IGSF21: variants seen among roughly 807,000 people sequenced by gnomAD.
The protein encoded by IGSF21 is immunoglobulin superfamily member 21.
IGSF21 carries 28 observed loss-of-function variants against 46.8 expected under a neutral mutation model. That is an observed-to-expected ratio of 0.60 (90% CI 0.44 to 0.82). The LOEUF is 0.82. IGSF21 is among the 40% of genes least tolerant of loss of function. IGSF21 has a pLI of 0.00. For missense variants in IGSF21, 624 were observed against 665.5 expected, an observed-to-expected ratio of 0.94 and a Z score of 0.69; for synonymous variants, 284 against 273.6, an observed-to-expected ratio of 1.04 and a Z score of -0.38.
chr1:18,180,887 C>A (rs368579816), intron 1 of IGSF21, among the ~76,000 whole-genome samples: 69 of 152,232 alleles, frequency 4.5e-4, no homozygotes, highest in African/African-American at 1.6e-3. Context: ...TGGTAAGAGG[C>A]GGATCAGGGA....
At chr1:18,223,014 C>A (rs1208543879) in intron 1 of IGSF21, among the ~76,000 whole-genome samples, 1 of 152,162 alleles carries the variant, frequency 6.6e-6, no homozygotes, top group Non-Finnish European at 1.5e-5. Flanking sequence ...CCCTCCTCAC[C>A]CCAGCCAGAG....
intron 3 of IGSF21, among the ~76,000 whole-genome samples, chr1:18,293,834 C>T (rs1469006897): frequency 6.6e-6 from 1 of 152,174 alleles, no homozygotes; most frequent in African/African-American, 2.4e-5. Flanking sequence ...AGCAAGGCCT[C>T]TAGGACTCCT....
At chr1:18,156,889 C>A (rs75269039) in intron 1 of IGSF21, among the ~76,000 whole-genome samples, 1 of 152,138 alleles carries the variant, frequency 6.6e-6, no homozygotes, top group Admixed American at 6.5e-5. Flanking sequence ...CTTTGAGGGG[C>A]GGAGGTAGGT....
In IGSF21 at chr1:18,273,039, C is replaced by CTTTTTTTTTTTTTTT. The variant is rs760448516; in HGVS notation, c.184-18816_184-18802dup. 1.6e-3 allele frequency among the ~76,000 whole-genome samples: 130 copies of CTTTTTTTTTTTTTTT among 80,712 alleles called. 12 individuals carry two copies. The highest frequency in any genetic ancestry group is 2.7e-3 in the Non-Finnish European group (113 of 41,410). The allele number at this position is 80,712 out of a possible 152,430, so 53.0% of individuals were successfully genotyped here. A position where few individuals can be genotyped will look rare whatever the true frequency, so the allele number is the denominator to read the frequency against. On this transcript the variant is annotated intron_variant, in intron 2 of 9. Transcript: ENST00000251296. The stretch of plus-strand genomic sequence containing the variant: ...CTTCTCCACTAGCAGCCAGACGGAT[C>CTTTTTTTTTTTTTTT]TTTTTTTTTTTTTTTTTTTTTTTTT...
intron 1 of IGSF21, among the ~76,000 whole-genome samples, chr1:18,121,195 T>C (rs2086231106): frequency 6.6e-6 from 1 of 152,162 alleles, no homozygotes; most frequent in Non-Finnish European, 1.5e-5. Context: ...GAAGGGAAGA[T>C]ACTCTTGAGT....
Position 18,365,802 on chromosome 1 carries a change from G to C in IGSF21, c.1015+105G>C. On this transcript the variant is annotated intron_variant, in intron 6 of 9. Coordinates refer to ENST00000251296, the MANE Select transcript of IGSF21 (RefSeq NM_032880.5). The surrounding 1 kb of genome is among the most constrained non-coding windows in gnomAD (Gnocchi z 4.8). ...TGAGGACAGCCATGGAAAGGGGGAGGAGATGGAGCAAACTGGAGTCAGGAT... is the reference window on the plus strand; with the variant it reads ...TGAGGACAGCCATGGAAAGGGGGAGCAGATGGAGCAAACTGGAGTCAGGAT... 1 of 937,546 alleles carries C rather than the reference G, an allele frequency of 1.1e-6. No individual in the cohort carries two copies. Among genetic ancestry groups the C allele is most frequent in the Non-Finnish European group, 1.6e-6 (1 of 629,248 alleles). 58.1% of individuals were successfully genotyped at this position (937,546 alleles called of 1,614,324 possible). A position where few individuals can be genotyped will look rare whatever the true frequency, so the allele number is the denominator to read the frequency against.
chr1:18,115,903 A>G (rs1341746283), intron 1 of IGSF21: 2 of 100,572 alleles, frequency 2.0e-5, no homozygotes, highest in African/African-American at 3.8e-5. Flanking sequence ...GAAAGAAAGA[A>G]GGAGAGGGAG....
chr1:18,164,422 C>CT (rs1395207272), intron 1 of IGSF21, among the ~76,000 whole-genome samples: 2 of 151,418 alleles, frequency 1.3e-5, no homozygotes, highest in African/African-American at 4.9e-5. Context: ...TCCATCTTTC[C>CT]TTTTTATCCT....
intron 4 of IGSF21, among the ~76,000 whole-genome samples, chr1:18,344,545 A>G (rs2085873904): frequency 6.6e-6 from 1 of 151,908 alleles, no homozygotes; most frequent in Non-Finnish European, 1.5e-5. Context: ...TCTGGGGGAC[A>G]GCAATGGGAA....
In IGSF21 at chr1:18,365,435, C is replaced by T; in HGVS notation, c.753C>T (p.Thr251=). Residue 251 remains threonine, a synonymous_variant, in exon 6 of 10, where the codon ACC becomes ACT. Coordinates refer to ENST00000251296, the MANE Select transcript of IGSF21 (RefSeq NM_032880.5). The surrounding 1 kb of genome is among the most constrained non-coding windows in gnomAD (Gnocchi z 4.8). ...PYTERPSRGL[T]PDPNILLQPT... is the part of the protein sequence containing the mutation. ...CGGAGCGCCCCTCCCGTGGCCTGAC[C>T]CCAGATCCCAACATCCTCCTCCAGC... 1 of 1,614,038 alleles carries T rather than the reference C, an allele frequency of 6.2e-7. No homozygotes were observed. Among genetic ancestry groups the T allele is most frequent in the Non-Finnish European group, 8.5e-7 (1 of 1,180,004 alleles).
chr1:18,273,214 T>C (rs2085060450), intron 2 of IGSF21, among the ~76,000 whole-genome samples: 1 of 151,732 alleles, frequency 6.6e-6, no homozygotes, highest in African/African-American at 2.4e-5. Flanking sequence ...CTAATTTTTG[T>C]ATTTTTAGTA....
At chr1:18,175,671 T>G (rs1364540585) in intron 1 of IGSF21, among the ~76,000 whole-genome samples, 2 of 152,142 alleles carry the variant, frequency 1.3e-5, no homozygotes, top group Non-Finnish European at 2.9e-5. Flanking sequence ...GAGGCTGTTC[T>G]GAACCTTCCT....
intron 2 of IGSF21, among the ~76,000 whole-genome samples, chr1:18,261,833 T>G (rs1260461928): frequency 6.6e-6 from 1 of 152,208 alleles, no homozygotes; most frequent in Non-Finnish European, 1.5e-5. Context: ...GACAAGGATT[T>G]GAGTACAAAT....
At chr1:18,209,621 AT>A (rs35745482) in intron 1 of IGSF21, among the ~76,000 whole-genome samples, 59,396 of 133,184 alleles carry the variant, frequency 0.45, 13,318 homozygotes, top group Non-Finnish European at 0.52. Flanking sequence ...CACCTGGCTA[AT>A]TTTTTTTTTT....
chr1:18,359,383 AAAGGAAGG>A (rs1202935647), intron 4 of IGSF21, among the ~76,000 whole-genome samples: 1,842 of 60,790 alleles, frequency 0.03, 111 homozygotes, highest in South Asian at 0.043. Context: ...AGAAAGAAAG[AAAGGAAGG>A]AAGGAAGGAA....
intron 1 of IGSF21, among the ~76,000 whole-genome samples, chr1:18,214,258 G>A (rs549631234): frequency 1.3e-5 from 2 of 152,126 alleles, no homozygotes; most frequent in Non-Finnish European, 1.5e-5. Context: ...CCGGGAGGTC[G>A]GGGCAGGGGA....
At chr1:18,215,057 C>G (rs893572534) in intron 1 of IGSF21, among the ~76,000 whole-genome samples, 3 of 152,166 alleles carry the variant, frequency 2.0e-5, no homozygotes, top group African/African-American at 7.2e-5. Context: ...CACTTTTAAA[C>G]CATCAGATCT....
chr1:18,117,464 AT>A (rs2086198072), intron 1 of IGSF21, among the ~76,000 whole-genome samples: 1 of 152,150 alleles, frequency 6.6e-6, no homozygotes, highest in Non-Finnish European at 1.5e-5. Flanking sequence ...CACTTGTCCA[AT>A]TTGTGGACTC....
At chr1:18,293,183 T>C (rs1276149525) in intron 3 of IGSF21, among the ~76,000 whole-genome samples, 1 of 152,190 alleles carries the variant, frequency 6.6e-6, no homozygotes, top group Non-Finnish European at 1.5e-5. Flanking sequence ...CACATGCTCC[T>C]CCTTCACCTT....
Sources: gnomAD v4.1 joint callset for allele counts (sites outside exome capture counted in the v4.1 genomes callset) on GRCh38, gnomAD v4.1.1 for gene constraint, Gnocchi (gnomAD v3.1) non-coding constraint, MANE v1.5 for transcripts, NCBI Gene and HGNC (gene_info 2026-07-23, HGNC 2026-07-21) for gene names.